Variants in GYPC observed in about 807,000 individuals in gnomAD.
GYPC encodes glycophorin C (Gerbich blood group).
In GYPC, 14 loss-of-function variants were observed where a neutral mutation model predicts 12.6. That is an observed-to-expected ratio of 1.11 (90% CI 0.74 to 1.74). The LOEUF (loss-of-function observed/expected upper bound fraction) is 1.74. GYPC is among the 40% of genes most tolerant of loss of function. The pLI is 0.00. For missense variants in GYPC, 225 were observed against 172.1 expected, an observed-to-expected ratio of 1.31 and a Z score of -1.72; for synonymous variants, 78 against 62.1, an observed-to-expected ratio of 1.26 and a Z score of -1.20.
intron 1 of GYPC, chr2:126,658,885 T>C (rs896110620): frequency 1.3e-5 from 2 of 152,196 alleles, no homozygotes; most frequent in African/African-American, 4.8e-5. Flanking sequence ...CTTCATTTAA[T>C]TTTTTTAAAC....
At chr2:126,692,888 T>C (rs986895520) in intron 2 of GYPC, among the ~76,000 whole-genome samples, 15 of 152,266 alleles carry the variant, frequency 9.9e-5, no homozygotes, top group Middle Eastern at 3.4e-3. Context: ...TGACCTGATA[T>C]CGGATGAGCT....
chr2:126,689,068 C>T (rs1326006424), intron 1 of GYPC, among the ~76,000 whole-genome samples: 1 of 152,182 alleles, frequency 6.6e-6, no homozygotes, highest in Non-Finnish European at 1.5e-5. Flanking sequence ...AGACATCCTA[C>T]CCTCTTTGGC....
chr2:126,660,774 C>A (rs1049848869), intron 1 of GYPC, among the ~76,000 whole-genome samples: 14 of 152,170 alleles, frequency 9.2e-5, no homozygotes, highest in African/African-American at 3.4e-4. Flanking sequence ...TTGGCATGGA[C>A]TTGGAGGCCA....
Position 126,696,216 on chromosome 2 carries a change from C to T in GYPC, c.*74C>T. 1 of 1,056,356 alleles carries T rather than the reference C, an allele frequency of 9.5e-7. No homozygotes were observed. 65.4% of individuals were successfully genotyped at this position (1,056,356 alleles called of 1,614,324 possible). Reference sequence around the variant, plus strand: ...AAAAATACACCCCATCGCCCAGCACCCCTGCTGATACCACCAGACAGAGAG... The same window carrying T: ...AAAAATACACCCCATCGCCCAGCACTCCTGCTGATACCACCAGACAGAGAG... On this transcript the variant is annotated 3_prime_UTR_variant, in exon 4 of 4. Transcript: ENST00000259254.
chr2:126,672,199 A>G (rs1682872522), intron 1 of GYPC, among the ~76,000 whole-genome samples: 1 of 152,130 alleles, frequency 6.6e-6, no homozygotes, highest in Non-Finnish European at 1.5e-5. Flanking sequence ...TAAGTCTTGG[A>G]GCCTTCAAGG....
intron 1 of GYPC, among the ~76,000 whole-genome samples, chr2:126,660,023 G>A (rs1682491566): frequency 6.6e-6 from 1 of 152,168 alleles, no homozygotes; most frequent in Non-Finnish European, 1.5e-5. Context: ...AGCCGCCATA[G>A]GGCACCCAGA....
intron 1 of GYPC, among the ~76,000 whole-genome samples, chr2:126,663,414 C>G (rs1310593747): frequency 2.0e-5 from 3 of 152,184 alleles, no homozygotes; most frequent in African/African-American, 7.2e-5. Flanking sequence ...CTCTTGGCCA[C>G]GCACGCCAGC....
intron 1 of GYPC, chr2:126,686,227 G>T (rs144162126): frequency 1.4e-5 from 14 of 985,328 alleles, no homozygotes; most frequent in Non-Finnish European, 1.7e-5. Flanking sequence ...CCTGCTCTCC[G>T]TCCACATCTG....
intron 1 of GYPC, among the ~76,000 whole-genome samples, chr2:126,666,457 C>G (rs1682681120): frequency 6.6e-6 from 1 of 152,208 alleles, no homozygotes; most frequent in Non-Finnish European, 1.5e-5. Flanking sequence ...ATACTAGTCT[C>G]CCTCTTTTGC....
At chr2:126,667,975 A>G (rs1424563118) in intron 1 of GYPC, among the ~76,000 whole-genome samples, 8 of 152,174 alleles carry the variant, frequency 5.3e-5, no homozygotes, top group Non-Finnish European at 1.2e-4. Context: ...AGCATCAGAA[A>G]ACAGAATAAG....
chr2:126,677,432 A>C (rs113073890), intron 1 of GYPC, among the ~76,000 whole-genome samples: 5,273 of 138,396 alleles, frequency 0.038, 291 homozygotes, highest in African/African-American at 0.13. Context: ...AGAATGTGAG[A>C]GAGTAGGAGT....
intron 1 of GYPC, chr2:126,686,359 C>A (rs575405127): frequency 4.1e-6 from 4 of 985,586 alleles, no homozygotes; most frequent in Non-Finnish European, 4.8e-6. Context: ...CTGTGTGCCC[C>A]GCTGCCTCCA....
intron 1 of GYPC, among the ~76,000 whole-genome samples, chr2:126,662,293 G>A (rs1682554689): frequency 6.6e-6 from 1 of 152,196 alleles, no homozygotes; most frequent in South Asian, 2.1e-4. Context: ...GGGCCCATTG[G>A]ATATGAAATC....
intron 1 of GYPC, 53 bp downstream of exon 1, chr2:126,656,365 C>T (rs993829055): frequency 1.3e-5 from 20 of 1,486,008 alleles, no homozygotes; most frequent in Middle Eastern, 4.7e-4. Context: ...GGCCGCGGCC[C>T]GCAGCAGCCA....
intron 1 of GYPC, among the ~76,000 whole-genome samples, chr2:126,660,372 G>A (rs530911882): frequency 5.3e-5 from 8 of 152,266 alleles, no homozygotes; most frequent in Non-Finnish European, 7.4e-5. Context: ...CTCACGCACC[G>A]TCCCAGGCTT....
intron 1 of GYPC, among the ~76,000 whole-genome samples, chr2:126,659,819 T>C (rs1682483449): frequency 6.7e-6 from 1 of 149,750 alleles, no homozygotes; most frequent in Admixed American, 6.6e-5. Flanking sequence ...TCGTGCTCTG[T>C]CACTCTGGCT....
At chr2:126,666,740 CACACACACACACACACAT>C (rs1207883502) in intron 1 of GYPC, among the ~76,000 whole-genome samples, 3 of 150,154 alleles carry the variant, frequency 2.0e-5, no homozygotes, top group African/African-American at 7.4e-5. Context: ...CACACACACA[CACACACACACACACACAT>C]ATGCACGCAC....
At chr2:126,669,380 AG>A (rs1292994037) in intron 1 of GYPC, among the ~76,000 whole-genome samples, 1 of 152,152 alleles carries the variant, frequency 6.6e-6, no homozygotes, top group African/African-American at 2.4e-5. Flanking sequence ...CTGTGATTCA[AG>A]CCCAGGGGTT....
intron 1 of GYPC, chr2:126,686,123 T>G (rs1683282695): frequency 8.1e-6 from 8 of 985,014 alleles, no homozygotes; most frequent in African/African-American, 1.8e-5. Context: ...AAAGAGAACT[T>G]TTTAGCACAG....
Sources: allele counts gnomAD v4.1 joint callset (sites outside exome capture counted in the v4.1 genomes callset), GRCh38; gene constraint gnomAD v4.1.1; transcripts MANE v1.5; gene names NCBI Gene and HGNC (gene_info 2026-07-23, HGNC 2026-07-21).